ABCC5: variants seen among roughly 807,000 people sequenced by gnomAD.
ABCC5 encodes the protein ATP binding cassette subfamily C member 5, also known as ATP-binding cassette sub-family C member 5.
A neutral mutation model predicts 160.9 loss-of-function variants in ABCC5; 61 were observed. That is an observed-to-expected ratio of 0.38 (90% CI 0.31 to 0.47). The LOEUF (loss-of-function observed/expected upper bound fraction) is 0.47, where lower values mean the gene tolerates loss of function less well. ABCC5 is among the 20% of genes least tolerant of loss of function. The pLI, the probability that ABCC5 is intolerant of heterozygous loss-of-function variation, is 0.99. For missense variants in ABCC5, 1,308 were observed against 1,813.3 expected (o/e 0.72, Z 5.06); for synonymous variants, 666 against 700.6 (o/e 0.95, Z 0.78).
At chr3:183,980,759 CTG>C (rs1718654015) in intron 8 of ABCC5, among the ~76,000 whole-genome samples, 1 of 150,312 alleles carries the variant, frequency 6.7e-6, no homozygotes, top group Non-Finnish European at 1.5e-5. Flanking sequence ...GACACCCAGG[CTG>C]GAGTGTAATG....
At chr3:183,967,830 T>C in intron 11 of ABCC5, 64 bp from the exon 12 acceptor site, 1 of 1,348,862 alleles carries the variant, frequency 7.4e-7, no homozygotes, top group Non-Finnish European at 1.1e-6. Flanking sequence ...GCTAAGGACT[T>C]GAGGAAAAAC....
intron 26 of ABCC5, among the ~76,000 whole-genome samples, chr3:183,930,530 G>C (rs937495085): frequency 6.6e-6 from 1 of 152,156 alleles, no homozygotes; most frequent in African/African-American, 2.4e-5. Context: ...GTTAAGATGA[G>C]GTCATACCAG....
rs749733765 is a variant in ABCC5 at position 183,961,499 on chromosome 3, A to G, written c.2379+12T>C. On this transcript the variant is annotated intron_variant, in intron 16 of 29. Transcript: ENST00000334444. ...ACAGAAGGGGACACACGCAAACACC[A>G]TCAGATCTTACCTCAACTGGCGGTG... The G allele has an allele frequency of 6.2e-7, 1 of 1,613,848 alleles. No individual in the cohort carries two copies. Among genetic ancestry groups the G allele is most frequent in the Non-Finnish European group, 8.5e-7 (1 of 1,179,848 alleles).
At chr3:183,983,746 C>G (rs1018340553) in intron 5 of ABCC5, 1 of 985,346 alleles carries the variant, frequency 1.0e-6, no homozygotes, top group Non-Finnish European at 1.2e-6. Flanking sequence ...TATTAAATAC[C>G]AGGAAGTGGG....
At chr3:183,940,192 T>C (rs1195570917) in intron 25 of ABCC5, among the ~76,000 whole-genome samples, 1 of 151,868 alleles carries the variant, frequency 6.6e-6, no homozygotes, top group Admixed American at 6.6e-5. Context: ...ATAGTTCTCC[T>C]CCTAGAAATG....
In ABCC5 at chr3:183,971,695, T is replaced by A. The variant is rs752580880; in HGVS notation, c.1629A>T (p.Ala543=). The change falls in exon 11 of 30, where the codon GCA becomes GCT. Residue 543 remains alanine (A), a synonymous_variant. Transcript: ENST00000334444. Reference sequence around the variant, plus strand: ...CCAGGAGGAGGTGGCCTTTCTGCTCTGCCAGCACCGCCTGATGCTCAGTGC... The same window carrying A: ...CCAGGAGGAGGTGGCCTTTCTGCTCAGCCAGCACCGCCTGATGCTCAGTGC... ...LQRTEHQAVL[A]EQKGHLLLDS... The A allele has an allele frequency of 1.2e-6, 2 of 1,614,234 alleles. No individual in the cohort carries two copies. The highest frequency in any genetic ancestry group is 2.2e-5 in the South Asian group (2 of 91,082).
At chr3:184,013,882 T>C (rs1721965734) in intron 2 of ABCC5, among the ~76,000 whole-genome samples, 1 of 151,134 alleles carries the variant, frequency 6.6e-6, no homozygotes, top group Non-Finnish European at 1.5e-5. Flanking sequence ...GAAAAACACA[T>C]TTTTTTTTGA....
intron 11 of ABCC5, among the ~76,000 whole-genome samples, chr3:183,968,328 T>G (rs1577556249): frequency 1.3e-5 from 2 of 152,082 alleles, no homozygotes; most frequent in African/African-American, 4.8e-5. Flanking sequence ...CACGCTCGTC[T>G]CAAACTCCTG....
chr3:184,001,624 C>G (rs1048062972), intron 2 of ABCC5, among the ~76,000 whole-genome samples: 2 of 152,144 alleles, frequency 1.3e-5, no homozygotes, highest in Non-Finnish European at 2.9e-5. Context: ...TCCTACAATG[C>G]ACAGGATAGC....
chr3:183,991,336 C>T (rs919113926), intron 2 of ABCC5, among the ~76,000 whole-genome samples: 3 of 151,368 alleles, frequency 2.0e-5, no homozygotes, highest in South Asian at 2.1e-4. Context: ...AACAAACAAA[C>T]AAAAAAACAA....
At chr3:183,986,279 G>C (rs1043435179) in intron 5 of ABCC5, 3 of 152,148 alleles carry the variant, frequency 2.0e-5, no homozygotes, top group African/African-American at 7.2e-5. Flanking sequence ...TCAGCTCTAG[G>C]GCAGAATCCC....
In ABCC5 at chr3:183,985,467, G is replaced by C. The variant is rs993042186; in HGVS notation, c.591+2303C>G. The stretch of plus-strand genomic sequence containing the variant: ...CAGCACCAAGCAAGCTGCAGGTGGA[G>C]AGAGGTTGGAAGGGTGGGAAACTTA... On this transcript the variant is annotated intron_variant, in intron 5 of 29. Coordinates refer to ENST00000334444, the MANE Select transcript of ABCC5 (RefSeq NM_005688.4). 3.5e-6 allele frequency: 4 copies of C among 1,137,618 alleles called. No homozygotes were observed. The Admixed American group carries it at 5.1e-5, about 14-fold the overall frequency. 70.5% of individuals were successfully genotyped at this position (1,137,618 alleles called of 1,614,324 possible).
chr3:183,951,610 G>A lies in ABCC5; in HGVS notation c.2815-40C>T, dbSNP rs1235283955. 4 of 1,605,598 alleles carry A rather than the reference G, an allele frequency of 2.5e-6. No homozygotes were observed. Among genetic ancestry groups the A allele is most frequent in the Non-Finnish European group, 2.6e-6 (3 of 1,176,228 alleles). ...ACAGAGTGGTCAGGGCCCAGGGACGGCTCTGTTCCTACTGGTCCAGAGAAC... is the reference window on the plus strand; with the variant it reads ...ACAGAGTGGTCAGGGCCCAGGGACGACTCTGTTCCTACTGGTCCAGAGAAC... On this transcript the variant is annotated intron_variant, in intron 19 of 29. Transcript: ENST00000334444. The surrounding 1 kb of genome is among the most constrained non-coding windows in gnomAD (Gnocchi z 4.7).
chr3:183,967,630 C>T (rs772847915), intron 12 of ABCC5, 65 bp downstream of exon 12: 131 of 1,419,840 alleles, frequency 9.2e-5, no homozygotes, highest in Middle Eastern at 1.8e-4. Context: ...GAAATTTGTT[C>T]GTTTTTCCTG....
chr3:183,925,058 C>T (rs1235872470), intron 29 of ABCC5, among the ~76,000 whole-genome samples: 1 of 152,210 alleles, frequency 6.6e-6, no homozygotes, highest in Non-Finnish European at 1.5e-5. Context: ...GTGGGAACGC[C>T]TGAAACAACA....
intron 11 of ABCC5, among the ~76,000 whole-genome samples, chr3:183,970,585 T>C (rs1396187752): frequency 6.6e-6 from 1 of 151,972 alleles, no homozygotes; most frequent in African/African-American, 2.4e-5. Flanking sequence ...GCTGGAACTA[T>C]AGGCGTACAG....
At chr3:184,015,964 G>C (rs1156281412) in intron 1 of ABCC5, among the ~76,000 whole-genome samples, 3 of 152,174 alleles carry the variant, frequency 2.0e-5, no homozygotes, top group Non-Finnish European at 4.4e-5. Context: ...CTTTTTAAAA[G>C]GTGGGGGTTG....
chr3:184,014,616 C>T (rs1259745388), intron 1 of ABCC5, among the ~76,000 whole-genome samples, 169 bp from the exon 2 acceptor site: 2 of 150,870 alleles, frequency 1.3e-5, no homozygotes, highest in Non-Finnish European at 2.9e-5. Context: ...ATTTTGATTT[C>T]ATTTTTTTAA....
At chr3:183,925,282 C>A (rs1712424025) in intron 29 of ABCC5, among the ~76,000 whole-genome samples, 1 of 152,200 alleles carries the variant, frequency 6.6e-6, no homozygotes, top group Admixed American at 6.5e-5. Context: ...GTGAATGAAT[C>A]ACTAAGTACA....
Sources: gnomAD v4.1 joint callset for allele counts (sites outside exome capture counted in the v4.1 genomes callset) on GRCh38, gnomAD v4.1.1 for gene constraint, Gnocchi (gnomAD v3.1) non-coding constraint, MANE v1.5 for transcripts, NCBI Gene and HGNC (gene_info 2026-07-23, HGNC 2026-07-21) for gene names.